The following PCDHGB6 variants were observed in gnomAD, a reference collection of about 807,000 sequenced individuals.
PCDHGB6 encodes protocadherin gamma-B6.
A neutral mutation model predicts 59.1 loss-of-function variants in PCDHGB6; 51 were observed. The observed-to-expected ratio is 0.86, with a 90% CI of 0.69 to 1.09. The LOEUF (loss-of-function observed/expected upper bound fraction) is 1.09. Ranked by LOEUF, PCDHGB6 falls within the 50% of genes least tolerant of loss-of-function variation. PCDHGB6 has a pLI of 0.00. For synonymous variants in PCDHGB6, 466 were observed against 495.1 expected (o/e 0.94, Z 0.78); for missense variants, 1,148 against 1,205.1 (o/e 0.95, Z 0.70).
intron 1 of PCDHGB6, chr5:141,423,758 G>GA: frequency 1.1e-5 from 4 of 366,840 alleles, no homozygotes; most frequent in South Asian, 8.5e-5. Flanking sequence ...TTTGGGGGGG[G>GA]GGTGGGGCGG....
intron 2 of PCDHGB6, among the ~76,000 whole-genome samples, chr5:141,498,882 G>A (rs1287566657): frequency 6.8e-6 from 1 of 147,420 alleles, no homozygotes; most frequent in African/African-American, 2.5e-5. Context: ...GCAGTGAGCT[G>A]AGATCACACC....
At chr5:141,422,279 C>T (rs1344316011) in intron 1 of PCDHGB6, 1 of 1,557,956 alleles carries the variant, frequency 6.4e-7, no homozygotes, top group Non-Finnish European at 8.6e-7. Context: ...ATAACTATCA[C>T]CTCTTCTATT....
chr5:141,420,287 A>C, intron 1 of PCDHGB6: 1 of 1,498,884 alleles, frequency 6.7e-7, no homozygotes, highest in African/African-American at 1.4e-5. Context: ...AAGTATTTAA[A>C]AATGTATTTA....
chr5:141,417,969 T>G, intron 1 of PCDHGB6: 1 of 1,613,768 alleles, frequency 6.2e-7, no homozygotes, highest in Non-Finnish European at 8.5e-7. Flanking sequence ...CGCTACTCGA[T>G]TCCGGAGGAG....
Position 141,409,747 on chromosome 5 carries a change from C to A in PCDHGB6, c.1545C>A (p.Phe515Leu). The change falls in exon 1 of 4, where the codon TTC (phenylalanine) becomes TTA (leucine). Residue 515 changes from phenylalanine to leucine, a missense_variant. By Grantham distance (22) the Phe-to-Leu change is conservative. Coordinates refer to ENST00000520790, the MANE Select transcript of PCDHGB6 (RefSeq NM_018926.3). ...TGAGCGCGCAGAGCGGGGTGGTGTT[C>A]GCGCAGCGCGCCTTTGATCACGAGC... ...VSVSAQSGVVFAQRAFDHEQL... is the reference protein window; with the variant it reads ...VSVSAQSGVVLAQRAFDHEQL... 1.9e-6 allele frequency: 3 copies of A among 1,612,994 alleles called. No individual in the cohort carries two copies. Among genetic ancestry groups the A allele is most frequent in the South Asian group, 1.1e-5 (1 of 91,056 alleles).
Position 141,489,653 on chromosome 5 carries a change from G to A in PCDHGB6, c.2419-5154G>A, listed in dbSNP as rs752269910. 2.0e-5 allele frequency: 33 copies of A among 1,614,164 alleles called. No individual in the cohort carries two copies. In the East Asian group the frequency reaches 4.9e-4, roughly 24 times the overall value. ...TCTCCTAGCTTTGCCACCCCTGAGC[G>A]AGAGATGCGCATCTCAGAATCAGCA... On this transcript the variant is annotated intron_variant, in intron 1 of 3. Transcript: ENST00000520790. This position sits in a 1 kb window ranked among gnomAD's most constrained non-coding sequence, Gnocchi z 4.5.
intron 1 of PCDHGB6, among the ~76,000 whole-genome samples, chr5:141,442,945 C>G (rs1000311671): frequency 1.8e-4 from 28 of 152,150 alleles, no homozygotes; most frequent in African/African-American, 6.3e-4. Context: ...GAAACTTCCT[C>G]TCACTGCAAA....
chr5:141,442,870 T>A (rs942975420), intron 1 of PCDHGB6, among the ~76,000 whole-genome samples: 1 of 152,192 alleles, frequency 6.6e-6, no homozygotes, highest in African/African-American at 2.4e-5. Flanking sequence ...AGATGTAAAT[T>A]TACAACTCAG....
intron 1 of PCDHGB6, among the ~76,000 whole-genome samples, chr5:141,481,095 C>T (rs1456056389): frequency 1.3e-5 from 2 of 152,120 alleles, no homozygotes; most frequent in African/African-American, 2.4e-5. Context: ...AAAAGCAGTA[C>T]TCTGGAACCT....
rs767514268 is a variant in PCDHGB6 at position 141,409,429 on chromosome 5, C to T, written c.1227C>T (p.Ala409=). 3 of 1,613,872 alleles carry T rather than the reference C, an allele frequency of 1.9e-6. No individual in the cohort carries two copies. The highest frequency in any genetic ancestry group is 1.3e-5 in the African/African-American group (1 of 74,932). ...NNYYKLVTDG[A]LDREQTPEYN... ...ACTACAAACTGGTGACAGATGGAGC[C>T]CTGGACCGAGAGCAGACACCAGAAT... Residue 409 remains alanine, a synonymous_variant, in exon 1 of 4, where the codon GCC becomes GCT. Coordinates refer to ENST00000520790, the MANE Select transcript of PCDHGB6 (RefSeq NM_018926.3).
At chr5:141,422,645 TCTCAGTGAC>T in intron 1 of PCDHGB6, 2 of 1,612,232 alleles carry the variant, frequency 1.2e-6, no homozygotes, top group Non-Finnish European at 1.7e-6. Flanking sequence ...GCCTCCATCT[TCTCAGTGAC>T]CGCCCTCGAC....
chr5:141,490,485 G>A lies in PCDHGB6; in HGVS notation c.2419-4322G>A. 3 of 1,614,202 alleles carry A rather than the reference G, an allele frequency of 1.9e-6. No individual in the cohort carries two copies. Among genetic ancestry groups the A allele is most frequent in the Middle Eastern group, 3.3e-4 (2 of 6,062 alleles). On this transcript the variant is annotated intron_variant, in intron 1 of 3. Coordinates refer to ENST00000520790, the MANE Select transcript of PCDHGB6 (RefSeq NM_018926.3). This position sits in a 1 kb window ranked among gnomAD's most constrained non-coding sequence, Gnocchi z 5.4. ...TAACCAGCCAGCCTTTGGACCGGGA[G>A]GCCACATCCCACTATATCATCGAGC... is the stretch of plus-strand genomic sequence containing the variant.
chr5:141,489,254 C>T lies in PCDHGB6; in HGVS notation c.2419-5553C>T, dbSNP rs2099684538. 2 of 1,548,628 alleles carry T rather than the reference C, an allele frequency of 1.3e-6. No homozygotes were observed. Among genetic ancestry groups the T allele is most frequent in the African/African-American group, 1.4e-5 (1 of 73,008 alleles). ...GACTTCTGGGTCATGGGGCCCAAGA[C>T]ACTCCCACAGCTCGCTGGGAAATGG... is the stretch of plus-strand genomic sequence containing the variant. On this transcript the variant is annotated intron_variant, in intron 1 of 3. Transcript: ENST00000520790. This position sits in a 1 kb window ranked among gnomAD's most constrained non-coding sequence, Gnocchi z 4.5.
intron 1 of PCDHGB6, among the ~76,000 whole-genome samples, chr5:141,464,882 A>T (rs1418376370): frequency 6.6e-6 from 1 of 151,918 alleles, no homozygotes; most frequent in Middle Eastern, 3.2e-3. Context: ...AGGACTACAG[A>T]TGGATGCCAC....
Position 141,408,275 on chromosome 5 carries a change from T to C in PCDHGB6, c.73T>C (p.Phe25Leu). 2 of 1,611,874 alleles carry C rather than the reference T, an allele frequency of 1.2e-6. No individual in the cohort carries two copies. The highest frequency in any genetic ancestry group is 1.7e-6 in the Non-Finnish European group (2 of 1,178,810). ...QVLFPLLLPLFYPTLSEPIRY... is the reference protein window; with the variant it reads ...QVLFPLLLPLLYPTLSEPIRY... Reference sequence around the variant, plus strand: ...GCTATTTCCTTTGCTGCTGCCTTTGTTCTACCCCACCCTGAGTGAGCCGAT... The same window carrying C: ...GCTATTTCCTTTGCTGCTGCCTTTGCTCTACCCCACCCTGAGTGAGCCGAT... Residue 25 changes from phenylalanine to leucine, a missense_variant, in exon 1 of 4, where the codon TTC becomes CTC. Physicochemically the swap from Phe to Leu is conservative, Grantham distance 22. Around this residue, in one of 5 missense-constraint regions of PCDHGB6, gnomAD observed 307 missense variants for 323.8 expected, o/e 0.95. Coordinates refer to ENST00000520790, the MANE Select transcript of PCDHGB6 (RefSeq NM_018926.3).
chr5:141,460,909 G>GGT (rs548378036), intron 1 of PCDHGB6, among the ~76,000 whole-genome samples: 1,853 of 123,260 alleles, frequency 0.015, 18 homozygotes, highest in Non-Finnish European at 0.019. Context: ...AATATTCCAT[G>GGT]GTGTATATAT....
In PCDHGB6 at chr5:141,511,360, T is replaced by C; in HGVS notation, c.*187T>C. The C allele has an allele frequency of 7.5e-7, 1 of 1,333,050 alleles. No individual in the cohort carries two copies. Among genetic ancestry groups the C allele is most frequent in the Non-Finnish European group, 1.0e-6 (1 of 994,882 alleles). 82.6% of individuals were successfully genotyped at this position (1,333,050 alleles called of 1,614,324 possible). On this transcript the variant is annotated 3_prime_UTR_variant, in exon 4 of 4. Transcript: ENST00000520790. ...ACCTACCCCTTCCCCCCCAGGGGGT[T>C]GAATATGCAAAAGCAGTTCCGCTGG...
chr5:141,433,262 T>C (rs2097580507), intron 1 of PCDHGB6: 1 of 1,339,318 alleles, frequency 7.5e-7, no homozygotes, highest in Non-Finnish European at 1.0e-6. Context: ...GGTACGATCA[T>C]AGCTCACTGC....
chr5:141,409,552 A>G lies in PCDHGB6; in HGVS notation c.1350A>G (p.Pro450=). 8 of 1,613,962 alleles carry G rather than the reference A, an allele frequency of 5.0e-6. No individual in the cohort carries two copies. Among genetic ancestry groups the G allele is most frequent in the Non-Finnish European group, 6.8e-6 (8 of 1,179,880 alleles). ...LYVADINDNA[P]VFDQTSYVVH... ...TCGCTGACATCAACGACAACGCCCC[A>G]GTTTTCGACCAGACGTCCTACGTGG... is the stretch of plus-strand genomic sequence containing the variant. The change falls in exon 1 of 4, where the codon CCA becomes CCG. Residue 450 remains proline, a synonymous_variant. Transcript: ENST00000520790.
Sources: gnomAD v4.1 joint callset for allele counts (sites outside exome capture counted in the v4.1 genomes callset) on GRCh38, gnomAD v4.1.1 for gene constraint, gnomAD v4.1.1 regional missense constraint, Gnocchi (gnomAD v3.1) non-coding constraint, MANE v1.5 for transcripts, NCBI Gene and HGNC (gene_info 2026-07-23, HGNC 2026-07-21) for gene names.